Variants in C9orf72 observed in about 807,000 individuals in gnomAD.
The protein encoded by C9orf72 is C9orf72-SMCR8 complex subunit.
C9orf72 carries 44 observed loss-of-function variants against 51.6 expected under a neutral mutation model. The observed-to-expected ratio is 0.85, with a 90% CI of 0.67 to 1.10. The LOEUF (loss-of-function observed/expected upper bound fraction) is 1.10. Ranked by LOEUF, C9orf72 falls within the 50% of genes least tolerant of loss-of-function variation. The probability of loss-of-function intolerance (pLI) is 0.00; values close to 1 mark genes in which losing one functional copy is unlikely to be tolerated. For missense variants in C9orf72, 607 were observed against 570.6 expected (o/e 1.06, Z -0.65); for synonymous variants, 213 against 194.2 (o/e 1.10, Z -0.81).
rs11292923 is a variant in C9orf72 at position 27,548,435 on chromosome 9, GA to G, written c.1260-14del. 0.036 allele frequency: 6,175 copies of G among 173,434 alleles called. 50 individuals carry two copies. The highest frequency in any genetic ancestry group is 0.075 in the African/African-American group (844 of 11,220). 10.7% of individuals were successfully genotyped at this position (173,434 alleles called of 1,614,324 possible). A position where few individuals can be genotyped will look rare whatever the true frequency, so the allele number is the denominator to read the frequency against. On this transcript the variant is annotated splice_polypyrimidine_tract_variant and intron_variant, in intron 10 of 10. Coordinates refer to ENST00000380003, the MANE Select transcript of C9orf72 (RefSeq NM_018325.5). ...TTTTCCCTTCTGCCTAAAAATAATG[GA>G]AAAAAAAAAAAAAAAAAAAAAAAAA...
intron 5 of C9orf72, 92 bp from the exon 6 acceptor site, chr9:27,560,391 C>G (rs1031360980): frequency 9.0e-6 from 8 of 887,010 alleles, no homozygotes; most frequent in Non-Finnish European, 1.4e-5. Context: ...CTTCAAATAA[C>G]TCAGAATAGC....
intron 4 of C9orf72, 104 bp from the exon 5 acceptor site, chr9:27,561,753 A>G: frequency 3.1e-6 from 2 of 649,016 alleles, no homozygotes; most frequent in Admixed American, 3.4e-5. Flanking sequence ...AATATAACAC[A>G]CTGCCTTCAT....
chr9:27,556,618 T>C lies in C9orf72; in HGVS notation c.1034A>G (p.Glu345Gly). Reference sequence around the variant, plus strand: ...GATCGTATCCTGAGCCATGTCTTCTTCTGAAGTGGCTCTCCAGAAGGCTGT... The same window carrying C: ...GATCGTATCCTGAGCCATGTCTTCTCCTGAAGTGGCTCTCCAGAAGGCTGT... ...ELTAFWRATSEEDMAQDTIIY... is the reference protein window; with the variant it reads ...ELTAFWRATSGEDMAQDTIIY... The change falls in exon 8 of 11, where the codon GAA becomes GGA. Residue 345 changes from glutamate to glycine, a missense_variant. Physicochemically the swap from Glu to Gly is moderately conservative, Grantham distance 98 (BLOSUM62 -2). Transcript: ENST00000380003. The C allele has an allele frequency of 1.2e-6, 2 of 1,613,808 alleles. No individual in the cohort carries two copies. Among genetic ancestry groups the C allele is most frequent in the South Asian group, 2.2e-5 (2 of 91,062 alleles).
chr9:27,552,313 C>A (rs1370760038), intron 8 of C9orf72, among the ~76,000 whole-genome samples: 1 of 151,480 alleles, frequency 6.6e-6, no homozygotes, highest in Middle Eastern at 3.4e-3. Flanking sequence ...TTTTTTGAGG[C>A]ATGTTCCTTC....
At chr9:27,550,189 T>C (rs755850858) in intron 9 of C9orf72, among the ~76,000 whole-genome samples, 17 of 150,806 alleles carry the variant, frequency 1.1e-4, no homozygotes, top group Middle Eastern at 3.5e-3. Context: ...TATATATATA[T>C]ACACACACAA....
chr9:27,571,623 G>GT (rs1321609055), intron 1 of C9orf72, among the ~76,000 whole-genome samples: 1 of 152,050 alleles, frequency 6.6e-6, no homozygotes, highest in Non-Finnish European at 1.5e-5. Flanking sequence ...GCCCGGCTAA[G>GT]TTTTTAATTT....
intron 1 of C9orf72, among the ~76,000 whole-genome samples, chr9:27,570,525 T>C (rs1459342560): frequency 6.6e-6 from 1 of 151,994 alleles, no homozygotes; most frequent in Non-Finnish European, 1.5e-5. Flanking sequence ...GTTGTGAAAA[T>C]TGAACTATTA....
intron 8 of C9orf72, among the ~76,000 whole-genome samples, chr9:27,555,357 T>C (rs1157581984): frequency 6.6e-6 from 1 of 152,162 alleles, no homozygotes; most frequent in African/African-American, 2.4e-5. Context: ...GAACAAGATA[T>C]TCCTATTCTA....
In C9orf72 at chr9:27,562,474, A is replaced by G; in HGVS notation, c.507T>C (p.Gly169=). The change falls in exon 4 of 11, where the codon GGT becomes GGC. Residue 169 remains glycine (G), a splice_region_variant and synonymous_variant. Transcript: ENST00000380003. ...CAGTAAGCATTGGAATAATACTCTGACCCTGCACAATAAAGTGACATGAAG... is the reference window on the plus strand; with the variant it reads ...CAGTAAGCATTGGAATAATACTCTGGCCCTGCACAATAAAGTGACATGAAG... ...LEGTERMEDQ[G]QSIIPMLTGE... The G allele has an allele frequency of 1.3e-6, 2 of 1,527,730 alleles. No individual in the cohort carries two copies. Among genetic ancestry groups the G allele is most frequent in the Non-Finnish European group, 1.8e-6 (2 of 1,127,262 alleles). The allele number at this position is 1,527,730 out of a possible 1,614,324, so 94.6% of individuals were successfully genotyped here. A position where few individuals can be genotyped will look rare whatever the true frequency, so the allele number is the denominator to read the frequency against.
intron 4 of C9orf72, 30 bp from the exon 5 acceptor site, chr9:27,561,679 G>A (rs1438640620): frequency 7.1e-7 from 1 of 1,413,168 alleles, no homozygotes; most frequent in South Asian, 1.2e-5. Context: ...AAAAAAATTA[G>A]TCTGGCTGTA....
At position 27,547,882 on chromosome 9, in the gene C9orf72, C is replaced by A. The variant is rs946565816; in HGVS notation, c.*354G>T. The A allele has an allele frequency of 6.3e-6, 1 of 159,182 alleles. No individual in the cohort carries two copies. The highest frequency in any genetic ancestry group is 1.4e-5 in the Non-Finnish European group (1 of 72,598). The allele number at this position is 159,182 out of a possible 1,614,324, so 9.9% of individuals were successfully genotyped here. On this transcript the variant is annotated 3_prime_UTR_variant, in exon 11 of 11. Transcript: ENST00000380003. ...AAAGTCAACTATCTGTAAAAGCCAA[C>A]TCAGATTTCACCTTGACACATGTAA... is the stretch of plus-strand genomic sequence containing the variant.
chr9:27,562,531 G>A (rs527955495), intron 3 of C9orf72, 55 bp from the exon 4 acceptor site: 5 of 845,184 alleles, frequency 5.9e-6, no homozygotes, highest in South Asian at 4.1e-5. Flanking sequence ...AGAGAAGCTG[G>A]GCAATAAAAA....
At chr9:27,551,025 TA>T (rs1304654546) in intron 8 of C9orf72, among the ~76,000 whole-genome samples, 1 of 151,840 alleles carries the variant, frequency 6.6e-6, no homozygotes, top group Non-Finnish European at 1.5e-5. Context: ...TCTCATCTTT[TA>T]AAAAAAGTAG....
At chr9:27,550,253 T>C (rs1024040347) in intron 9 of C9orf72, among the ~76,000 whole-genome samples, 3 of 151,326 alleles carry the variant, frequency 2.0e-5, no homozygotes, top group African/African-American at 7.3e-5. Context: ...AGGATATATA[T>C]ATGTATATAT....
intron 9 of C9orf72, among the ~76,000 whole-genome samples, chr9:27,550,259 T>C (rs1554659542): frequency 6.6e-6 from 1 of 151,408 alleles, no homozygotes; most frequent in Non-Finnish European, 1.5e-5. Context: ...TATATATGTA[T>C]ATATTATATC....
chr9:27,572,051 A>C (rs1479511847), intron 1 of C9orf72, among the ~76,000 whole-genome samples: 1 of 152,262 alleles, frequency 6.6e-6, no homozygotes, highest in Non-Finnish European at 1.5e-5. Context: ...ACCCGAGGGC[A>C]GACTTGAAAA....
chr9:27,562,993 T>C (rs1819387617), intron 3 of C9orf72, among the ~76,000 whole-genome samples: 1 of 152,166 alleles, frequency 6.6e-6, no homozygotes, highest in Non-Finnish European at 1.5e-5. Context: ...TAAGTCATCA[T>C]GCCTCTTTTA....
At position 27,548,175 on chromosome 9, in the gene C9orf72, C is replaced by G; in HGVS notation, c.*61G>C. 1.5e-6 allele frequency: 2 copies of G among 1,335,004 alleles called. No homozygotes were observed. The highest frequency in any genetic ancestry group is 2.1e-6 in the Non-Finnish European group (2 of 961,338). 82.7% of individuals were successfully genotyped at this position (1,335,004 alleles called of 1,614,324 possible). On this transcript the variant is annotated 3_prime_UTR_variant, in exon 11 of 11. Coordinates refer to ENST00000380003, the MANE Select transcript of C9orf72 (RefSeq NM_018325.5). ...TGATCCAGGGGAACGTTTCCCCACA[C>G]CACTGAGCTACTTTACCAGCGATCA...
rs1819472775 is a variant in C9orf72, at chr9:27,566,663, G to GA, written c.444+13dup. ...GATAGGTTAACATGATTAATAAGCTGAAAAATCACTTACCTTATGCATCCA... is the reference window on the plus strand; with the variant it reads ...GATAGGTTAACATGATTAATAAGCTGAAAAAATCACTTACCTTATGCATCCA... On this transcript the variant is annotated intron_variant, in intron 2 of 10. Transcript: ENST00000380003. 1.9e-6 allele frequency: 3 copies of GA among 1,549,546 alleles called. No homozygotes were observed. The highest frequency in any genetic ancestry group is 2.6e-6 in the Non-Finnish European group (3 of 1,141,070).
Sources: gnomAD v4.1 joint callset for allele counts (sites outside exome capture counted in the v4.1 genomes callset) on GRCh38, gnomAD v4.1.1 for gene constraint, MANE v1.5 for transcripts, NCBI Gene and HGNC (gene_info 2026-07-23, HGNC 2026-07-21) for gene names.